Variants in SON observed in about 807,000 individuals in gnomAD.
SON encodes the protein SON DNA and RNA binding protein.
SON carries 4 observed loss-of-function variants against 173.3 expected under a neutral mutation model. That is an observed-to-expected ratio of 0.02 (90% CI 0.01 to 0.05). The LOEUF (loss-of-function observed/expected upper bound fraction) is 0.05. Among genes scored for constraint, SON ranks in the 10% least tolerant of loss-of-function variants. The pLI is 1.00. For synonymous variants in SON, 1,190 were observed against 1,105.9 expected, an observed-to-expected ratio of 1.08 and a Z score of -1.51; for missense variants, 2,626 against 3,055.3, an observed-to-expected ratio of 0.86 and a Z score of 3.31.
At position 33,552,648 on chromosome 21, in the gene SON, A is replaced by G. The variant is rs1227942995; in HGVS notation, c.3417A>G (p.Thr1139=). Residue 1139 remains threonine, a synonymous_variant, in exon 3 of 12, where the codon ACA becomes ACG. Transcript: ENST00000356577. The surrounding 1 kb of genome is among the most constrained non-coding windows in gnomAD (Gnocchi z 5.6). ...CTTACACCGATTCTTACACTGACAC[A>G]TATACAGAGGCATATATGGTGCCAC... The part of the protein sequence containing the change: ...ADSYTDSYTD[T]YTEAYMVPPL... 6 of 1,613,982 alleles carry G rather than the reference A, an allele frequency of 3.7e-6. No individual in the cohort carries two copies. The highest frequency in any genetic ancestry group is 2.7e-5 in the African/African-American group (2 of 74,866).
chr21:33,564,768 G>A (rs571421051), intron 6 of SON, among the ~76,000 whole-genome samples: 2 of 149,096 alleles, frequency 1.3e-5, no homozygotes, highest in Non-Finnish European at 3.0e-5. Flanking sequence ...GCTGAGGCAG[G>A]AGAATCACTT....
At chr21:33,571,402 C>G (rs1260597064) in intron 8 of SON, among the ~76,000 whole-genome samples, 1 of 152,054 alleles carries the variant, frequency 6.6e-6, no homozygotes, top group Non-Finnish European at 1.5e-5. Context: ...TATAGTCCAG[C>G]ATCTGCCTTA....
Position 33,554,574 on chromosome 21 carries a change from G to A in SON, c.5343G>A (p.Glu1781=). 1.2e-6 allele frequency: 2 copies of A among 1,613,940 alleles called. No individual in the cohort carries two copies. The highest frequency in any genetic ancestry group is 1.1e-5 in the South Asian group (1 of 91,072). The change falls in exon 3 of 12, where the codon GAG becomes GAA. Residue 1781 remains glutamate (E), a synonymous_variant. Coordinates refer to ENST00000356577, the MANE Select transcript of SON (RefSeq NM_138927.4). Reference sequence around the variant, plus strand: ...GTAGTATGCCAGAAAGAGCTTCAGAGTCTTCTTCAGAGGAAAAAGATGATT... The same window carrying A: ...GTAGTATGCCAGAAAGAGCTTCAGAATCTTCTTCAGAGGAAAAAGATGATT... The part of the protein sequence containing the change: ...VVSSMPERAS[E]SSSEEKDDYE...
chr21:33,550,050 G>T lies in SON; in HGVS notation c.819G>T (p.Lys273Asn), dbSNP rs1218979572. The change falls in exon 3 of 12, where the codon AAG becomes AAT. Residue 273 changes from lysine to asparagine, a missense_variant. Lys to Asn is a moderately conservative substitution (Grantham distance 94). This residue lies in a region of SON where 757 missense variants were observed against 730.1 expected (regional missense o/e 1.04). Coordinates refer to ENST00000356577, the MANE Select transcript of SON (RefSeq NM_138927.4). ...CAATGTCAGTGGAGTATCAGATGAA[G>T]TCTGTGCTGAAATCTGTGGAGAGCA... The part of the protein sequence containing the change: ...VVTMSVEYQM[K>N]SVLKSVESTS... The T allele has an allele frequency of 1.9e-6, 3 of 1,614,038 alleles. No individual in the cohort carries two copies. In the African/African-American group the frequency reaches 4.0e-5, roughly 22 times the overall value.
In SON at chr21:33,573,298, C is replaced by A; in HGVS notation, c.6886-10C>A. 1 of 1,596,970 alleles carries A rather than the reference C, an allele frequency of 6.3e-7. No individual in the cohort carries two copies. Among genetic ancestry groups the A allele is most frequent in the Non-Finnish European group, 8.5e-7 (1 of 1,174,224 alleles). ...AAATGGGGACATTTTACCTTTCTTT[C>A]TTTGGATAGGATCAGTTCTTAAGAG... On this transcript the variant is annotated splice_polypyrimidine_tract_variant and intron_variant, in intron 8 of 11. Transcript: ENST00000356577.
intron 6 of SON, among the ~76,000 whole-genome samples, chr21:33,566,721 T>G (rs779241555): frequency 2.0e-5 from 3 of 152,086 alleles, no homozygotes; most frequent in Non-Finnish European, 2.9e-5. Flanking sequence ...GTTCAGTAAT[T>G]TTGCTTACTG....
chr21:33,547,528 A>G (rs771913650), intron 2 of SON, among the ~76,000 whole-genome samples: 9 of 151,966 alleles, frequency 5.9e-5, no homozygotes, highest in Non-Finnish European at 8.8e-5. Context: ...TTTGGGGGGA[A>G]CTTTAGCTGT....
rs187335496 is a variant in SON, at chr21:33,553,139, C to T, written c.3908C>T (p.Pro1303Leu). 295 of 1,614,206 alleles carry T rather than the reference C, an allele frequency of 1.8e-4. 2 individuals are homozygous for T. In the Admixed American group the frequency reaches 4.7e-3, roughly 26 times the overall value. Residue 1303 changes from proline to leucine, a missense_variant, in exon 3 of 12, where the codon CCT becomes CTT. Physicochemically the swap from Pro to Leu is moderately conservative, Grantham distance 98. Around this residue, in one of 13 missense-constraint regions of SON, gnomAD observed 1,006 missense variants for 895.6 expected, o/e 1.12. Transcript: ENST00000356577. The stretch of plus-strand genomic sequence containing the variant: ...CCAACTGTGTTAGCATCAGAGCCTC[C>T]TGTTATGTCAGAGACAGCAGAAACA... The part of the protein sequence containing the change: ...AEPTVLASEP[P>L]VMSETAETFD...
At chr21:33,571,709 G>A (rs2086288548) in intron 8 of SON, 4 of 152,566 alleles carry the variant, frequency 2.6e-5, no homozygotes, top group Admixed American at 1.3e-4. Flanking sequence ...TGGGTTATTT[G>A]GGGATTTATA....
intron 7 of SON, among the ~76,000 whole-genome samples, chr21:33,567,946 TCA>T (rs1481155345): frequency 3.3e-5 from 5 of 151,978 alleles, no homozygotes; most frequent in African/African-American, 1.2e-4. Context: ...ATATCCATAG[TCA>T]CACAACTAAT....
At position 33,551,218 on chromosome 21, in the gene SON, G is replaced by C; in HGVS notation, c.1987G>C (p.Glu663Gln). Residue 663 changes from glutamate to glutamine, a missense_variant, in exon 3 of 12, where the codon GAG (glutamate) becomes CAG (glutamine). By Grantham distance (29) the Glu-to-Gln change is conservative. Around this residue, in one of 13 missense-constraint regions of SON, gnomAD observed 182 missense variants for 193.6 expected, o/e 0.94. Transcript: ENST00000356577. ...ISVQSVVTTSELSTMTVSQSL... is the reference protein window; with the variant it reads ...ISVQSVVTTSQLSTMTVSQSL... Reference sequence around the variant, plus strand: ...TGTTCAGTCTGTGGTGACAACATCGGAGCTGTCAACGATGACCGTGTCGCA... The same window carrying C: ...TGTTCAGTCTGTGGTGACAACATCGCAGCTGTCAACGATGACCGTGTCGCA... 6.2e-7 allele frequency: 1 copy of C among 1,614,104 alleles called. No individual in the cohort carries two copies. Among genetic ancestry groups the C allele is most frequent in the Non-Finnish European group, 8.5e-7 (1 of 1,179,988 alleles).
At chr21:33,572,181 T>TATA (rs1569069155) in intron 8 of SON, 20 of 142,720 alleles carry the variant, frequency 1.4e-4, no homozygotes, top group African/African-American at 5.1e-4. Context: ...TATTATATAT[T>TATA]TATATATATA....
At chr21:33,575,183 G>A (rs1335486217) in intron 9 of SON, among the ~76,000 whole-genome samples, 2 of 151,830 alleles carry the variant, frequency 1.3e-5, no homozygotes, top group Non-Finnish European at 2.9e-5. Context: ...TTACAGGCGC[G>A]CACCACCACG....
intron 2 of SON, among the ~76,000 whole-genome samples, chr21:33,548,801 T>C (rs997817513): frequency 6.6e-6 from 1 of 152,220 alleles, no homozygotes; most frequent in African/African-American, 2.4e-5. Context: ...TAATAGAAAC[T>C]GTAGCAACTA....
At chr21:33,557,092 C>G (rs916843960) in intron 3 of SON, 64 bp from the exon 4 acceptor site, 16 of 1,482,510 alleles carry the variant, frequency 1.1e-5, no homozygotes, top group Non-Finnish European at 1.4e-5. Context: ...GTATGTTAGA[C>G]TTTTGGTAAT....
Position 33,553,190 on chromosome 21 carries a change from A to G in SON, c.3959A>G (p.His1320Arg), listed in dbSNP as rs201150783. Residue 1320 changes from histidine (H) to arginine (R), a missense_variant, in exon 3 of 12, where the codon CAT becomes CGT. Physicochemically the swap from His to Arg is conservative, Grantham distance 29 (BLOSUM62 0). Around this residue, in one of 13 missense-constraint regions of SON, gnomAD observed 1,006 missense variants for 895.6 expected, o/e 1.12. Coordinates refer to ENST00000356577, the MANE Select transcript of SON (RefSeq NM_138927.4). ...TTTGATTCCATGAGAGCCTCAGGAC[A>G]TGTTGCCTCAGAAGTATCTACATCC... ...ETFDSMRASG[H>R]VASEVSTSLL... The G allele has an allele frequency of 2.8e-5, 45 of 1,614,150 alleles. No homozygotes were observed. In the East Asian group the frequency reaches 5.6e-4, roughly 20 times the overall value.
At chr21:33,574,069 T>C (rs1262651500) in intron 9 of SON, among the ~76,000 whole-genome samples, 2 of 152,228 alleles carry the variant, frequency 1.3e-5, no homozygotes, top group African/African-American at 2.4e-5. Context: ...CAGCACTGTG[T>C]CTTCTATGTA....
chr21:33,574,087 T>G (rs2086347166), intron 9 of SON, among the ~76,000 whole-genome samples: 1 of 152,204 alleles, frequency 6.6e-6, no homozygotes, highest in Admixed American at 6.5e-5. Flanking sequence ...GTAGCTTGTA[T>G]GTAGTTGCTA....
chr21:33,564,423 T>G (rs527308603), intron 6 of SON, among the ~76,000 whole-genome samples: 2 of 152,180 alleles, frequency 1.3e-5, no homozygotes, highest in African/African-American at 2.4e-5. Flanking sequence ...CTTTGGGGAT[T>G]GTATTGGCTT....
Sources: allele counts gnomAD v4.1 joint callset (sites outside exome capture counted in the v4.1 genomes callset), GRCh38; gene constraint gnomAD v4.1.1; regional missense constraint gnomAD v4.1.1; non-coding constraint Gnocchi (gnomAD v3.1); transcripts MANE v1.5; gene names NCBI Gene and HGNC (gene_info 2026-07-23, HGNC 2026-07-21).